HECW2: variants seen among roughly 807,000 people sequenced by gnomAD.
HECW2 encodes the protein HECT, C2 and WW domain containing E3 ubiquitin protein ligase 2, also known as E3 ubiquitin-protein ligase HECW2.
In HECW2, 61 loss-of-function variants were observed where a neutral mutation model predicts 175.2. The ratio of observed to expected loss-of-function variants is 0.35; its 90% CI spans 0.28 to 0.43. The LOEUF is 0.43. Among genes scored for constraint, HECW2 ranks in the 20% least tolerant of loss-of-function variants. The pLI is 1.00. For synonymous variants in HECW2, 671 were observed against 731.0 expected, an observed-to-expected ratio of 0.92 and a Z score of 1.32; for missense variants, 1,524 against 2,000.5, an observed-to-expected ratio of 0.76 and a Z score of 4.54.
chr2:196,383,420 G>A (rs540557971), intron 2 of HECW2, among the ~76,000 whole-genome samples: 1 of 152,116 alleles, frequency 6.6e-6, no homozygotes, highest in African/African-American at 2.4e-5. Context: ...GAGATTGCAG[G>A]GTGCCAAGAG....
At chr2:196,232,416 A>G (rs1373270583) in intron 21 of HECW2, among the ~76,000 whole-genome samples, 2 of 152,182 alleles carry the variant, frequency 1.3e-5, no homozygotes, top group Admixed American at 6.5e-5. Context: ...ACTCATTTTT[A>G]TATCTGTACC....
At chr2:196,303,343 A>C (rs914068169) in intron 13 of HECW2, among the ~76,000 whole-genome samples, 1 of 152,210 alleles carries the variant, frequency 6.6e-6, no homozygotes, top group African/African-American at 2.4e-5. Context: ...ATCAATGCTC[A>C]TCAAGGATAT....
At chr2:196,430,694 C>T (rs761486912) in intron 2 of HECW2, among the ~76,000 whole-genome samples, 12 of 151,906 alleles carry the variant, frequency 7.9e-5, no homozygotes, top group Non-Finnish European at 1.6e-4. Context: ...AAAAAAAGGG[C>T]AAAGTTAGTG....
chr2:196,224,165 C>T lies in HECW2; in HGVS notation c.4016+1607G>A, dbSNP rs78758985. 1.6e-3 allele frequency among the ~76,000 whole-genome samples: 240 copies of T among 152,202 alleles called. 2 individuals carry two copies. The highest frequency in any genetic ancestry group is 5.2e-3 in the African/African-American group (214 of 41,496). On this transcript the variant is annotated intron_variant, in intron 23 of 28. Transcript: ENST00000644978. Reference sequence around the variant, plus strand: ...TTGTCATCGCTGTTTAAGGGTGACTCCCAATTTCTGACCAGAGTGGCCTGA... The same window carrying T: ...TTGTCATCGCTGTTTAAGGGTGACTTCCAATTTCTGACCAGAGTGGCCTGA...
intron 13 of HECW2, among the ~76,000 whole-genome samples, chr2:196,304,939 A>C (rs1215318700): frequency 6.6e-6 from 1 of 152,204 alleles, no homozygotes; most frequent in Non-Finnish European, 1.5e-5. Flanking sequence ...ATTGTTTTGC[A>C]AATGATGCTT....
chr2:196,379,300 T>C (rs945828694), intron 2 of HECW2, among the ~76,000 whole-genome samples: 3 of 152,176 alleles, frequency 2.0e-5, no homozygotes, highest in Admixed American at 1.3e-4. Context: ...AGAAGGACTT[T>C]TGAGGTGCTG....
chr2:196,469,016 G>T (rs1697076264), intron 1 of HECW2, among the ~76,000 whole-genome samples: 2 of 152,070 alleles, frequency 1.3e-5, no homozygotes, highest in South Asian at 4.1e-4. Context: ...TCAAGGAGAG[G>T]AGGTGATATG....
At chr2:196,268,377 A>T (rs1416428485) in intron 17 of HECW2, among the ~76,000 whole-genome samples, 2 of 152,026 alleles carry the variant, frequency 1.3e-5, no homozygotes, top group African/African-American at 4.8e-5. Context: ...GTTAGAAGAA[A>T]GATTATGCTT....
At chr2:196,461,877 G>C (rs987343554) in intron 1 of HECW2, among the ~76,000 whole-genome samples, 1 of 152,050 alleles carries the variant, frequency 6.6e-6, no homozygotes, top group Non-Finnish European at 1.5e-5. Flanking sequence ...GGAACCATGC[G>C]GATTACAATT....
rs1388576282 is a variant in HECW2 at position 196,318,653 on chromosome 2, G to GCTCCCTCCAGGCT, written c.2224_2236dup (p.Ala746GlufsTer27). The GCTCCCTCCAGGCT allele has an allele frequency of 6.2e-7, 1 of 1,600,674 alleles. No individual in the cohort carries two copies. The highest frequency in any genetic ancestry group is 8.5e-7 in the Non-Finnish European group (1 of 1,173,122). On this transcript the variant is annotated frameshift_variant, in exon 9 of 29. Coordinates refer to ENST00000644978, the MANE Select transcript of HECW2 (RefSeq NM_001348768.2). LOFTEE classifies it high-confidence loss of function. The stretch of plus-strand genomic sequence containing the variant: ...CGGTGGGCTCTCGGCAGCAGCTGCA[G>GCTCCCTCCAGGCT]CTCCCTCCAGGCTCCCCCTCCGCTG...
intron 28 of HECW2, among the ~76,000 whole-genome samples, chr2:196,203,006 C>A (rs190630633): frequency 6.6e-6 from 1 of 151,978 alleles, no homozygotes; most frequent in Admixed American, 6.5e-5. Flanking sequence ...AAGTTTTGAC[C>A]GCGTTTTTGA....
intron 4 of HECW2, among the ~76,000 whole-genome samples, chr2:196,330,127 C>T (rs1205758100): frequency 2.0e-5 from 3 of 152,112 alleles, no homozygotes; most frequent in African/African-American, 7.2e-5. Flanking sequence ...GTCCTATCTC[C>T]CTTGTAGGCT....
intron 1 of HECW2, among the ~76,000 whole-genome samples, chr2:196,547,846 G>A (rs1326867512): frequency 6.6e-6 from 1 of 152,158 alleles, no homozygotes; most frequent in Non-Finnish European, 1.5e-5. Flanking sequence ...CAGCTTCACA[G>A]TCAGTGAGGA....
chr2:196,441,060 T>C (rs1156487283), intron 1 of HECW2, among the ~76,000 whole-genome samples: 11 of 152,340 alleles, frequency 7.2e-5, no homozygotes, highest in Admixed American at 6.5e-4. Context: ...CAAAATGCCA[T>C]AGTATACAAC....
At chr2:196,436,933 G>A (rs1695894555) in intron 1 of HECW2, among the ~76,000 whole-genome samples, 1 of 152,062 alleles carries the variant, frequency 6.6e-6, no homozygotes, top group Admixed American at 6.5e-5. Flanking sequence ...ATGTTGTAGG[G>A]CATCTGAAAG....
intron 1 of HECW2, among the ~76,000 whole-genome samples, chr2:196,440,748 C>T (rs1022680662): frequency 9.2e-5 from 14 of 152,096 alleles, no homozygotes; most frequent in African/African-American, 2.4e-4. Context: ...ATAAAGGCGA[C>T]GGCAAGGGAA....
intron 1 of HECW2, among the ~76,000 whole-genome samples, chr2:196,437,364 C>G (rs1695908218): frequency 6.6e-6 from 1 of 152,018 alleles, no homozygotes; most frequent in African/African-American, 2.4e-5. Flanking sequence ...ATAATCCCAG[C>G]ACTTTGGGAG....
chr2:196,335,466 C>T (rs1268520620), intron 3 of HECW2, among the ~76,000 whole-genome samples: 2 of 152,158 alleles, frequency 1.3e-5, no homozygotes, highest in African/African-American at 4.8e-5. Context: ...TCCTAGGCTA[C>T]GGGAGGGAGT....
intron 21 of HECW2, chr2:196,239,784 T>A (rs890331897): frequency 1.3e-5 from 2 of 152,188 alleles, no homozygotes; most frequent in African/African-American, 4.8e-5. Context: ...AACAGTTATG[T>A]CTATTTGGGC....
Sources: allele counts gnomAD v4.1 joint callset (sites outside exome capture counted in the v4.1 genomes callset), GRCh38; gene constraint gnomAD v4.1.1; transcripts MANE v1.5; gene names NCBI Gene and HGNC (gene_info 2026-07-23, HGNC 2026-07-21).